The following MACC1 variants were observed in gnomAD, a reference collection of about 807,000 sequenced individuals.
MACC1 encodes the protein MET transcriptional regulator MACC1.
MACC1 carries 79 observed loss-of-function variants against 70.7 expected under a neutral mutation model. The observed-to-expected ratio is 1.12, with a 90% CI of 0.93 to 1.35. The LOEUF (loss-of-function observed/expected upper bound fraction) is 1.35, where lower values mean the gene tolerates loss of function less well. MACC1 is among the 40% of genes most tolerant of loss of function. The pLI, the probability that MACC1 is intolerant of heterozygous loss-of-function variation, is 0.00. For synonymous variants in MACC1, 361 were observed against 347.2 expected, an observed-to-expected ratio of 1.04 and a Z score of -0.44; for missense variants, 1,106 against 978.1, an observed-to-expected ratio of 1.13 and a Z score of -1.74.
At chr7:20,148,125 G>T (rs1434004967) in intron 6 of MACC1, among the ~76,000 whole-genome samples, 1 of 152,180 alleles carries the variant, frequency 6.6e-6, no homozygotes. Flanking sequence ...TCTTAGGTAA[G>T]CTATCACCTT....
Position 20,160,184 on chromosome 7 carries a change from A to G in MACC1, c.177T>C (p.Asn59=). 1 of 1,607,580 alleles carries G rather than the reference A, an allele frequency of 6.2e-7. No homozygotes were observed. Among genetic ancestry groups the G allele is most frequent in the Non-Finnish European group, 8.5e-7 (1 of 1,178,292 alleles). ...AGAATGGATTTGCAACTTTGGAAGC[A>G]TTATTACCACGAAGGGTGAAAGCAT... ...WPDAFTLRGN[N]ASKVANPFWN... Residue 59 remains asparagine, a synonymous_variant, in exon 5 of 7, where the codon AAT becomes AAC. Transcript: ENST00000400331.
intron 1 of MACC1, among the ~76,000 whole-genome samples, chr7:20,210,916 C>T (rs1283915344): frequency 2.0e-5 from 3 of 152,282 alleles, no homozygotes; most frequent in South Asian, 4.1e-4. Context: ...GACTCCAGGG[C>T]TTAGTAAAGT....
intron 1 of MACC1, among the ~76,000 whole-genome samples, chr7:20,211,748 A>C (rs1783000130): frequency 6.6e-6 from 1 of 152,230 alleles, no homozygotes; most frequent in Admixed American, 6.5e-5. Flanking sequence ...ACGGTTCAGC[A>C]AATCAGTTTC....
chr7:20,178,701 G>A (rs1335000348), intron 1 of MACC1, among the ~76,000 whole-genome samples: 4 of 152,190 alleles, frequency 2.6e-5, no homozygotes, highest in African/African-American at 9.7e-5. Context: ...CCGGGTTCAA[G>A]CGATTCTTCT....
At chr7:20,177,154 A>G (rs1019000872) in intron 1 of MACC1, among the ~76,000 whole-genome samples, 5 of 152,144 alleles carry the variant, frequency 3.3e-5, no homozygotes, top group Non-Finnish European at 4.4e-5. Context: ...AGGATTTTGT[A>G]CTATCTTTCC....
In MACC1 at chr7:20,178,035, A is replaced by C. The variant is rs551638209; in HGVS notation, c.-217-7257T>G. On this transcript the variant is annotated intron_variant, in intron 1 of 6. Coordinates refer to ENST00000400331, the MANE Select transcript of MACC1 (RefSeq NM_182762.4). ...TTTCCTCCTTCTATTAGATGAATAA[A>C]ATGTTCAATAGCTCCTCTTGTTCCC... is the stretch of plus-strand genomic sequence containing the variant. Among the ~76,000 whole-genome samples the C allele has an allele frequency of 3.8e-3, 573 of 152,210 alleles. 3 individuals are homozygous for C. Among genetic ancestry groups the C allele is most frequent in the Non-Finnish European group, 6.1e-3 (418 of 67,992 alleles).
At chr7:20,154,645 C>T (rs1392029922) in intron 5 of MACC1, among the ~76,000 whole-genome samples, 11 of 152,126 alleles carry the variant, frequency 7.2e-5, no homozygotes, top group Non-Finnish European at 1.6e-4. Flanking sequence ...AACCACTTAA[C>T]TAATATGTGT....
intron 6 of MACC1, among the ~76,000 whole-genome samples, chr7:20,145,313 A>G (rs1258521849): frequency 6.6e-6 from 1 of 152,118 alleles, no homozygotes; most frequent in African/African-American, 2.4e-5. Context: ...AACTTGGAGA[A>G]GGCAGTTTCA....
intron 1 of MACC1, among the ~76,000 whole-genome samples, chr7:20,209,342 A>G (rs1782962335): frequency 6.6e-6 from 1 of 152,250 alleles, no homozygotes; most frequent in Non-Finnish European, 1.5e-5. Flanking sequence ...CTGCAAAACC[A>G]CAGGGCTAGA....
chr7:20,194,959 A>T (rs1437781121), intron 1 of MACC1, among the ~76,000 whole-genome samples: 3 of 152,176 alleles, frequency 2.0e-5, no homozygotes, highest in East Asian at 3.8e-4. Flanking sequence ...ATTTGCCTAA[A>T]TTTTTAGTAA....
chr7:20,153,867 T>C (rs1396768886), intron 6 of MACC1, among the ~76,000 whole-genome samples: 1 of 152,176 alleles, frequency 6.6e-6, no homozygotes, highest in African/African-American at 2.4e-5. Flanking sequence ...GTCTCCCACC[T>C]TCAAAATTTA....
intron 5 of MACC1, among the ~76,000 whole-genome samples, chr7:20,155,842 T>C (rs928127926): frequency 2.6e-5 from 4 of 151,922 alleles, no homozygotes; most frequent in African/African-American, 7.3e-5. Flanking sequence ...AACTGTGGAG[T>C]GGGGTTACTA....
At chr7:20,168,135 G>T (rs554680439) in intron 2 of MACC1, among the ~76,000 whole-genome samples, 1 of 151,952 alleles carries the variant, frequency 6.6e-6, no homozygotes, top group Non-Finnish European at 1.5e-5. Context: ...CATTTTACAC[G>T]TGTGTGTGCA....
intron 1 of MACC1, among the ~76,000 whole-genome samples, chr7:20,200,260 TAA>T (rs1271166541): frequency 6.9e-5 from 3 of 43,368 alleles, no homozygotes; most frequent in Non-Finnish European, 9.1e-5. Flanking sequence ...TTAGTAGATT[TAA>T]AAGATTTAAA....
At chr7:20,192,362 G>C in intron 1 of MACC1, among the ~76,000 whole-genome samples, 1 of 152,122 alleles carries the variant, frequency 6.6e-6, no homozygotes, top group Non-Finnish European at 1.5e-5. Flanking sequence ...ATTGTGATTT[G>C]CTTAACTAAT....
intron 1 of MACC1, chr7:20,198,596 G>T (rs964147225): frequency 1.2e-4 from 18 of 152,336 alleles, no homozygotes; most frequent in African/African-American, 4.3e-4. Context: ...CTCCTGGTCT[G>T]CCCCTGGTCC....
In MACC1 at chr7:20,140,014, A is replaced by G. The variant is rs997353187; in HGVS notation, c.*932T>C. ...AAAAATCTCCAAGAGCTAAAGAACTATTTTACATTACAATCCTGCAGAAAA... is the reference window on the plus strand; with the variant it reads ...AAAAATCTCCAAGAGCTAAAGAACTGTTTTACATTACAATCCTGCAGAAAA... On this transcript the variant is annotated 3_prime_UTR_variant, in exon 7 of 7. Transcript: ENST00000400331. The G allele has an allele frequency of 5.9e-5, 9 of 152,184 alleles. No individual in the cohort carries two copies. The highest frequency in any genetic ancestry group is 2.2e-4 in the African/African-American group (9 of 41,440). 9.4% of individuals were successfully genotyped at this position (152,184 alleles called of 1,614,324 possible).
chr7:20,168,098 T>TTTTA (rs1309541210), intron 2 of MACC1, among the ~76,000 whole-genome samples: 1 of 152,216 alleles, frequency 6.6e-6, no homozygotes, highest in Non-Finnish European at 1.5e-5. Context: ...TATTTGTCTT[T>TTTTA]TTTATTTGAA....
At chr7:20,161,147 G>T (rs1326708765) in intron 4 of MACC1, among the ~76,000 whole-genome samples, 1 of 152,058 alleles carries the variant, frequency 6.6e-6, no homozygotes, top group Non-Finnish European at 1.5e-5. Flanking sequence ...TAATTATAAA[G>T]ACTCTGTAGA....
Sources: allele counts gnomAD v4.1 joint callset (sites outside exome capture counted in the v4.1 genomes callset), GRCh38; gene constraint gnomAD v4.1.1; transcripts MANE v1.5; gene names NCBI Gene and HGNC (gene_info 2026-07-23, HGNC 2026-07-21).